Variants in PARD3B observed in about 807,000 individuals in gnomAD.
PARD3B encodes the protein par-3 family cell polarity regulator beta, also known as partitioning defective 3 homolog B.
PARD3B carries 103 observed loss-of-function variants against 130.2 expected under a neutral mutation model. That is an observed-to-expected ratio of 0.79 (90% CI 0.67 to 0.93). The LOEUF (loss-of-function observed/expected upper bound fraction) is 0.93, where lower values mean the gene tolerates loss of function less well. Among genes scored for constraint, PARD3B ranks in the 40% least tolerant of loss-of-function variants. The pLI is 0.00. For synonymous variants in PARD3B, 583 were observed against 553.2 expected (o/e 1.05, Z -0.76); for missense variants, 1,609 against 1,499.2 (o/e 1.07, Z -1.21).
At chr2:204,775,710 T>C (rs1335897958) in intron 2 of PARD3B, among the ~76,000 whole-genome samples, 2 of 152,186 alleles carry the variant, frequency 1.3e-5, no homozygotes, top group African/African-American at 2.4e-5. Flanking sequence ...GTCCCAGATA[T>C]CAAGTAATTC....
chr2:205,118,461 G>A (rs2030187329), intron 6 of PARD3B, among the ~76,000 whole-genome samples: 1 of 152,172 alleles, frequency 6.6e-6, no homozygotes, highest in African/African-American at 2.4e-5. Flanking sequence ...GAGCTTAAAT[G>A]TTTCTTTACT....
intron 10 of PARD3B, among the ~76,000 whole-genome samples, chr2:205,156,275 G>A (rs1270258851): frequency 5.1e-5 from 7 of 138,592 alleles, no homozygotes; most frequent in Admixed American, 2.9e-4. Context: ...GGTGGGCGGG[G>A]GGGGGAGGAA....
At chr2:204,873,481 G>C (rs527307011) in intron 2 of PARD3B, among the ~76,000 whole-genome samples, 22 of 152,020 alleles carry the variant, frequency 1.4e-4, no homozygotes, top group Non-Finnish European at 2.5e-4. Flanking sequence ...TCACCCATCC[G>C]CAGGACTTTC....
In PARD3B at chr2:204,967,114, A is replaced by G. The variant is rs1203163154; in HGVS notation, c.394+1791A>G. On this transcript the variant is annotated intron_variant, in intron 3 of 22. Coordinates refer to ENST00000406610, the MANE Select transcript of PARD3B (RefSeq NM_001302769.2). This position sits in a 1 kb window ranked among gnomAD's most constrained non-coding sequence, Gnocchi z 4.4. The stretch of plus-strand genomic sequence containing the variant: ...AACTGTCTTGGGGTTTACTTTGAGA[A>G]TATATGCCAAAACCCTGAAAATACT... 2.0e-5 allele frequency among the ~76,000 whole-genome samples: 3 copies of G among 152,226 alleles called. No individual in the cohort carries two copies. Among genetic ancestry groups the G allele is most frequent in the Non-Finnish European group, 4.4e-5 (3 of 68,052 alleles).
intron 3 of PARD3B, among the ~76,000 whole-genome samples, chr2:205,014,913 A>G (rs1347666407): frequency 6.6e-6 from 1 of 152,192 alleles, no homozygotes; most frequent in Non-Finnish European, 1.5e-5. Flanking sequence ...TAGGCTGCAA[A>G]GATCAACTTC....
chr2:205,113,081 A>G (rs955296009), intron 5 of PARD3B, among the ~76,000 whole-genome samples: 9 of 152,192 alleles, frequency 5.9e-5, no homozygotes, highest in Non-Finnish European at 1.3e-4. Context: ...GAAGAAGCCT[A>G]CTTTATGCTG....
chr2:204,909,228 T>C (rs1203263136), intron 2 of PARD3B, among the ~76,000 whole-genome samples: 2 of 152,112 alleles, frequency 1.3e-5, no homozygotes, highest in African/African-American at 4.8e-5. Context: ...AAATTGAAAA[T>C]GCACATAATG....
chr2:204,723,475 G>A (rs974882172), intron 2 of PARD3B, among the ~76,000 whole-genome samples: 10 of 151,974 alleles, frequency 6.6e-5, no homozygotes, highest in Middle Eastern at 3.2e-3. Flanking sequence ...TGGTTTATTG[G>A]ATTTTTCATT....
intron 2 of PARD3B, among the ~76,000 whole-genome samples, chr2:204,923,770 A>G (rs994462144): frequency 1.3e-5 from 2 of 152,074 alleles, no homozygotes; most frequent in African/African-American, 2.4e-5. Context: ...GCAAGAAGGT[A>G]GCCTACTTTT....
chr2:204,648,739 AAAT>A (rs1380334658), intron 1 of PARD3B, among the ~76,000 whole-genome samples: 1 of 51,214 alleles, frequency 2.0e-5, no homozygotes, highest in African/African-American at 9.6e-5. Context: ...GATATCATAT[AAAT>A]AATATATATT....
intron 3 of PARD3B, among the ~76,000 whole-genome samples, chr2:205,014,563 T>A (rs374417071): frequency 4.0e-4 from 61 of 152,348 alleles, no homozygotes; most frequent in South Asian, 3.5e-3. Flanking sequence ...TAGGGTTATT[T>A]GGCATGTTCT....
chr2:205,312,948 G>A (rs2042439720), intron 18 of PARD3B, among the ~76,000 whole-genome samples: 1 of 152,146 alleles, frequency 6.6e-6, no homozygotes, highest in South Asian at 2.1e-4. Context: ...CCAGTGGTGT[G>A]ATCACTGATA....
Position 204,669,305 on chromosome 2 carries a change from C to T in PARD3B, c.121-16876C>T, listed in dbSNP as rs2036170582. On this transcript the variant is annotated intron_variant, in intron 1 of 22. Transcript: ENST00000406610. The surrounding 1 kb of genome is among the most constrained non-coding windows in gnomAD (Gnocchi z 4.3). Reference sequence around the variant, plus strand: ...TTTTACTTTATAGGATCAAGGGCAACCATGTTTACTTTCATAAGGAGTAAT... The same window carrying T: ...TTTTACTTTATAGGATCAAGGGCAATCATGTTTACTTTCATAAGGAGTAAT... Among the ~76,000 whole-genome samples, 2 of 152,072 alleles carry T rather than the reference C, an allele frequency of 1.3e-5. No individual in the cohort carries two copies. The highest frequency in any genetic ancestry group is 1.9e-4 in the East Asian group (1 of 5,186).
chr2:205,356,119 G>T (rs1052687161), intron 18 of PARD3B, among the ~76,000 whole-genome samples: 1 of 152,118 alleles, frequency 6.6e-6, no homozygotes, highest in Admixed American at 6.5e-5. Context: ...GCAAGCCACT[G>T]GTGCCCCTTC....
intron 4 of PARD3B, among the ~76,000 whole-genome samples, chr2:205,082,309 C>T (rs1279983298): frequency 6.6e-6 from 1 of 152,090 alleles, no homozygotes; most frequent in African/African-American, 2.4e-5. Flanking sequence ...TAGGGCTGAA[C>T]TCTATAGTAT....
At chr2:205,132,835 C>T (rs2032131968) in intron 10 of PARD3B, among the ~76,000 whole-genome samples, 1 of 152,126 alleles carries the variant, frequency 6.6e-6, no homozygotes, top group Admixed American at 6.6e-5. Context: ...CTGTGTGCAG[C>T]TGTTGACGCA....
At chr2:205,432,394 G>A (rs1489029339) in intron 19 of PARD3B, among the ~76,000 whole-genome samples, 1 of 152,068 alleles carries the variant, frequency 6.6e-6, no homozygotes, top group Non-Finnish European at 1.5e-5. Context: ...ACCTCACTGA[G>A]AGTAAAAACC....
At chr2:204,811,678 G>A (rs2042966478) in intron 2 of PARD3B, among the ~76,000 whole-genome samples, 1 of 152,168 alleles carries the variant, frequency 6.6e-6, no homozygotes, top group South Asian at 2.1e-4. Context: ...AGCAGCTAAA[G>A]CAGCTCTCTT....
At chr2:205,080,989 C>T (rs1701371895) in intron 4 of PARD3B, among the ~76,000 whole-genome samples, 1 of 152,062 alleles carries the variant, frequency 6.6e-6, no homozygotes, top group Non-Finnish European at 1.5e-5. Context: ...CCTCCTCTCT[C>T]TCATCACTGT....
Sources: gnomAD v4.1 joint callset for allele counts (sites outside exome capture counted in the v4.1 genomes callset) on GRCh38, gnomAD v4.1.1 for gene constraint, Gnocchi (gnomAD v3.1) non-coding constraint, MANE v1.5 for transcripts, NCBI Gene and HGNC (gene_info 2026-07-23, HGNC 2026-07-21) for gene names.